Variants in SEMA6D observed in about 807,000 individuals in gnomAD.
SEMA6D encodes semaphorin 6D.
Under a neutral mutation model 106.6 loss-of-function variants are expected in SEMA6D, and 35 were observed. That is an observed-to-expected ratio of 0.33 (90% CI 0.25 to 0.44). The LOEUF (loss-of-function observed/expected upper bound fraction) is 0.44, where lower values mean the gene tolerates loss of function less well. SEMA6D is among the 20% of genes least tolerant of loss of function. The pLI is 1.00. For missense variants in SEMA6D, 1,185 were observed against 1,345.9 expected (o/e 0.88, Z 1.87); for synonymous variants, 499 against 487.7 (o/e 1.02, Z -0.31).
At chr15:47,348,713 A>AC (rs1265144793) in intron 1 of SEMA6D, among the ~76,000 whole-genome samples, 2 of 83,082 alleles carry the variant, frequency 2.4e-5, no homozygotes, top group East Asian at 4.9e-4. Flanking sequence ...ACACACACAC[A>AC]CACACCACAC....
At chr15:47,523,644 A>T (rs1203081062) in intron 3 of SEMA6D, among the ~76,000 whole-genome samples, 1 of 152,160 alleles carries the variant, frequency 6.6e-6, no homozygotes, top group Non-Finnish European at 1.5e-5. Flanking sequence ...GATAAAGAAG[A>T]CTTGATGTGT....
At chr15:47,184,654 A>T (rs114595038) in intron 1 of SEMA6D, among the ~76,000 whole-genome samples, 236 of 152,172 alleles carry the variant, frequency 1.6e-3, no homozygotes, top group African/African-American at 5.5e-3. Context: ...GTTGGCACTG[A>T]TAAGACCCGT....
chr15:47,603,085 G>A (rs935993581), intron 4 of SEMA6D, among the ~76,000 whole-genome samples: 1 of 152,116 alleles, frequency 6.6e-6, no homozygotes, highest in Non-Finnish European at 1.5e-5. Flanking sequence ...TCATTGGATG[G>A]TACATTATGT....
chr15:47,581,628 G>A (rs2076256251), intron 3 of SEMA6D, among the ~76,000 whole-genome samples: 1 of 152,188 alleles, frequency 6.6e-6, no homozygotes, highest in Non-Finnish European at 1.5e-5. Flanking sequence ...CTTAAACCAG[G>A]AATAAGCTTC....
At chr15:47,206,274 G>A (rs1053973774) in intron 1 of SEMA6D, among the ~76,000 whole-genome samples, 5 of 152,022 alleles carry the variant, frequency 3.3e-5, no homozygotes, top group East Asian at 1.9e-4. Flanking sequence ...TTTTTGGCAT[G>A]CATATGGAAT....
intron 4 of SEMA6D, among the ~76,000 whole-genome samples, chr15:47,681,919 T>G (rs2078361643): frequency 6.6e-6 from 1 of 152,184 alleles, no homozygotes; most frequent in South Asian, 2.1e-4. Flanking sequence ...GTAATAAAAA[T>G]ATTTGATCAT....
Position 47,351,850 on chromosome 15 carries a change from A to G in SEMA6D, c.-238-60543A>G, listed in dbSNP as rs1461795899. On this transcript the variant is annotated intron_variant, in intron 1 of 19. Transcript: ENST00000558014. ...TCATATATTCTTTTATAGCTCTGAT[A>G]TGGAAGATTTCTTGAGAGGAAAGTA... Among the ~76,000 whole-genome samples, 16 of 152,234 alleles carry G rather than the reference A, an allele frequency of 1.1e-4. 1 individual carries two copies. Among genetic ancestry groups the G allele is most frequent in the Admixed American group, 1.0e-3 (16 of 15,282 alleles).
At chr15:47,534,740 C>A (rs1258918314) in intron 3 of SEMA6D, among the ~76,000 whole-genome samples, 1 of 151,932 alleles carries the variant, frequency 6.6e-6, no homozygotes, top group Non-Finnish European at 1.5e-5. Flanking sequence ...CTTTTTCACC[C>A]CACATAAATT....
intron 1 of SEMA6D, among the ~76,000 whole-genome samples, chr15:47,203,132 A>G (rs1300051037): frequency 6.6e-6 from 1 of 152,000 alleles, no homozygotes; most frequent in African/African-American, 2.4e-5. Context: ...ACCACCTTTC[A>G]CTATTAAAAG....
At chr15:47,431,886 T>A (rs2041540100) in intron 2 of SEMA6D, among the ~76,000 whole-genome samples, 1 of 152,160 alleles carries the variant, frequency 6.6e-6, no homozygotes, top group Non-Finnish European at 1.5e-5. Flanking sequence ...ATAAGCCTCT[T>A]ATTTATTTCA....
chr15:47,698,455 G>T (rs1369965798), intron 4 of SEMA6D, among the ~76,000 whole-genome samples: 1 of 152,166 alleles, frequency 6.6e-6, no homozygotes, highest in Non-Finnish European at 1.5e-5. Context: ...TTCAAGGCAT[G>T]GCTTCCAGGC....
intron 2 of SEMA6D, among the ~76,000 whole-genome samples, chr15:47,459,202 A>G (rs2042428441): frequency 6.6e-6 from 1 of 152,070 alleles, no homozygotes; most frequent in South Asian, 2.1e-4. Context: ...CATGTTGGAG[A>G]AATCCATGTG....
At position 47,771,861 on chromosome 15, in the gene SEMA6D, A is replaced by G; in HGVS notation, c.*76A>G. 7.2e-7 allele frequency: 1 copy of G among 1,385,514 alleles called. No individual in the cohort carries two copies. Among genetic ancestry groups the G allele is most frequent in the Non-Finnish European group, 9.9e-7 (1 of 1,010,988 alleles). 85.8% of individuals were successfully genotyped at this position (1,385,514 alleles called of 1,614,324 possible). ...AGGATGATGTTGTAAGGGTACCTTA[A>G]AACAAGAGACTCGCTTGTATTTTAA... On this transcript the variant is annotated 3_prime_UTR_variant, in exon 19 of 19. Coordinates refer to ENST00000536845, the MANE Select transcript of SEMA6D (RefSeq NM_001358351.3).
chr15:47,627,985 A>C (rs552525388), intron 4 of SEMA6D, among the ~76,000 whole-genome samples: 1 of 152,234 alleles, frequency 6.6e-6, no homozygotes, highest in African/African-American at 2.4e-5. Flanking sequence ...ATATTGCCTG[A>C]AGAGTCCTCT....
chr15:47,403,623 GCAGA>G (rs1280870273), intron 1 of SEMA6D, among the ~76,000 whole-genome samples: 2 of 152,202 alleles, frequency 1.3e-5, no homozygotes, highest in African/African-American at 4.8e-5. Flanking sequence ...GCACAGAGGA[GCAGA>G]CAGTTAACTG....
intron 1 of SEMA6D, among the ~76,000 whole-genome samples, chr15:47,744,252 CTA>C (rs1311481541): frequency 6.6e-6 from 1 of 152,122 alleles, no homozygotes; most frequent in African/African-American, 2.4e-5. Context: ...GCATAAAACA[CTA>C]TAAGTGAAAA....
intron 1 of SEMA6D, among the ~76,000 whole-genome samples, chr15:47,401,102 C>T (rs2040383779): frequency 2.0e-5 from 3 of 152,156 alleles, no homozygotes; most frequent in African/African-American, 7.2e-5. Context: ...AATGAAGTAG[C>T]TTATTTAAAA....
chr15:47,376,473 AC>A (rs1346732974), intron 1 of SEMA6D, among the ~76,000 whole-genome samples: 1 of 152,140 alleles, frequency 6.6e-6, no homozygotes, highest in Non-Finnish European at 1.5e-5. Flanking sequence ...CATAATGTCC[AC>A]CCGGTGGTTA....
intron 3 of SEMA6D, among the ~76,000 whole-genome samples, chr15:47,489,507 A>G (rs1305814477): frequency 6.6e-6 from 1 of 152,188 alleles, no homozygotes; most frequent in Non-Finnish European, 1.5e-5. Context: ...GCAGTGACTC[A>G]GGCACACATG....
Sources: allele counts gnomAD v4.1 joint callset (sites outside exome capture counted in the v4.1 genomes callset), GRCh38; gene constraint gnomAD v4.1.1; transcripts MANE v1.5; gene names NCBI Gene and HGNC (gene_info 2026-07-23, HGNC 2026-07-21).